NUDT9: variants seen among roughly 807,000 people sequenced by gnomAD.
NUDT9 encodes nudix hydrolase 9.
A neutral mutation model predicts 41.0 loss-of-function variants in NUDT9; 31 were observed. That is an observed-to-expected ratio of 0.76 (90% CI 0.57 to 1.02). The LOEUF is 1.02. Among genes scored for constraint, NUDT9 ranks in the 50% least tolerant of loss-of-function variants. NUDT9 has a pLI of 0.00. For synonymous variants in NUDT9, 146 were observed against 147.6 expected, an observed-to-expected ratio of 0.99 and a Z score of 0.08; for missense variants, 380 against 431.4, an observed-to-expected ratio of 0.88 and a Z score of 1.06.
chr4:87,431,889 T>G (rs1053421417), intron 1 of NUDT9, among the ~76,000 whole-genome samples: 2 of 152,216 alleles, frequency 1.3e-5, no homozygotes, highest in African/African-American at 4.8e-5. Context: ...TTTCGCCATG[T>G]TGGCCGGGCT....
chr4:87,444,167 C>A (rs1010197688), intron 4 of NUDT9, among the ~76,000 whole-genome samples: 3 of 151,992 alleles, frequency 2.0e-5, no homozygotes, highest in African/African-American at 7.2e-5. Flanking sequence ...CATGTTCTTT[C>A]TTTAAATAAT....
At chr4:87,454,163 A>C (rs1578081499) in intron 6 of NUDT9, among the ~76,000 whole-genome samples, 1 of 152,108 alleles carries the variant, frequency 6.6e-6, no homozygotes. Context: ...GCGCCCGGCT[A>C]TTTACATTTC....
chr4:87,432,929 A>G (rs1721750248), intron 1 of NUDT9, among the ~76,000 whole-genome samples: 1 of 152,146 alleles, frequency 6.6e-6, no homozygotes, highest in Non-Finnish European at 1.5e-5. Flanking sequence ...GGATTTTCAC[A>G]TCAGTATTAA....
At chr4:87,428,990 T>C (rs1487667820) in intron 1 of NUDT9, among the ~76,000 whole-genome samples, 1 of 152,148 alleles carries the variant, frequency 6.6e-6, no homozygotes, top group African/African-American at 2.4e-5. Context: ...GCATCAACTC[T>C]TATGGAATTG....
chr4:87,459,406 C>T lies in NUDT9; in HGVS notation c.*1385C>T, dbSNP rs531334585. The T allele has an allele frequency of 5.9e-5, 9 of 152,268 alleles. No homozygotes were observed. The South Asian group carries it at 1.7e-3, about 28-fold the overall frequency. The allele number at this position is 152,268 out of a possible 1,614,324, so 9.4% of individuals were successfully genotyped here. A position where few individuals can be genotyped will look rare whatever the true frequency, so the allele number is the denominator to read the frequency against. On this transcript the variant is annotated 3_prime_UTR_variant, in exon 8 of 8. Coordinates refer to ENST00000302174, the MANE Select transcript of NUDT9 (RefSeq NM_024047.5). ...CAAGTTTACCTATGTAACAAACCTG[C>T]ACATGTACCCCTGTACTTAACAACA...
intron 4 of NUDT9, among the ~76,000 whole-genome samples, chr4:87,444,632 T>A (rs1252870354): frequency 2.0e-5 from 3 of 152,194 alleles, no homozygotes; most frequent in Admixed American, 2.0e-4. Context: ...AGGAATGTAA[T>A]GCTAGTAAGG....
intron 4 of NUDT9, among the ~76,000 whole-genome samples, chr4:87,448,101 G>A: frequency 6.8e-6 from 1 of 147,710 alleles, no homozygotes; most frequent in African/African-American, 2.5e-5. Context: ...CATATAATCT[G>A]CTTTTCTCTT....
At chr4:87,434,361 TTTGAG>T (rs957564820) in intron 1 of NUDT9, 3 of 151,866 alleles carry the variant, frequency 2.0e-5, no homozygotes, top group Non-Finnish European at 2.9e-5. Context: ...GTTTTTATGG[TTTGAG>T]TTTTCATAAC....
chr4:87,424,358 CA>C lies in NUDT9; in HGVS notation c.107+1348del, dbSNP rs1481667258. ...CACTGCAACTTCCGCCTCCTGGGTTCAAGCGATTCTTCTGCCTCAGCCTCTT... is the reference window on the plus strand; with the variant it reads ...CACTGCAACTTCCGCCTCCTGGGTTCAGCGATTCTTCTGCCTCAGCCTCTT... On this transcript the variant is annotated intron_variant, in intron 1 of 7. Coordinates refer to ENST00000302174, the MANE Select transcript of NUDT9 (RefSeq NM_024047.5). 2.7e-5 allele frequency among the ~76,000 whole-genome samples: 4 copies of C among 146,572 alleles called. No homozygotes were observed. In the Admixed American group the frequency reaches 2.8e-4, roughly 10 times the overall value.
At chr4:87,450,378 C>CTTTTTTTTT (rs59228872) in intron 5 of NUDT9, among the ~76,000 whole-genome samples, 4 of 102,330 alleles carry the variant, frequency 3.9e-5, no homozygotes, top group Admixed American at 1.1e-4. Flanking sequence ...TTTTCTTTTT[C>CTTTTTTTTT]TTTTTTTTTT....
chr4:87,457,486 C>T (rs1723038955), intron 7 of NUDT9, among the ~76,000 whole-genome samples: 1 of 152,094 alleles, frequency 6.6e-6, no homozygotes, highest in South Asian at 2.1e-4. Context: ...ATCTACCCGC[C>T]TCAGCTTTGT....
At chr4:87,433,392 C>T (rs1721772803) in intron 1 of NUDT9, among the ~76,000 whole-genome samples, 1 of 152,154 alleles carries the variant, frequency 6.6e-6, no homozygotes, top group South Asian at 2.1e-4. Context: ...TAAGATGTCT[C>T]TTAACCTGGG....
rs531680524 is a variant in NUDT9 at position 87,438,004 on chromosome 4, A to G, written c.348-273A>G. 1.4e-4 allele frequency among the ~76,000 whole-genome samples: 21 copies of G among 152,268 alleles called. No individual in the cohort carries two copies. In the South Asian group the frequency reaches 4.1e-3, roughly 30 times the overall value. ...TCTTGTAGCATGAGGTAGGAGCTCTAGCTCTTCTGCTGGTAGTCCTTCCTG... is the reference window on the plus strand; with the variant it reads ...TCTTGTAGCATGAGGTAGGAGCTCTGGCTCTTCTGCTGGTAGTCCTTCCTG... On this transcript the variant is annotated intron_variant, in intron 2 of 7. Transcript: ENST00000302174.
rs114772081 is a variant in NUDT9, at chr4:87,452,697, C to G, written c.789+962C>G. Among the ~76,000 whole-genome samples the G allele has an allele frequency of 2.1e-3, 324 of 151,362 alleles. 4 individuals carry two copies. Among genetic ancestry groups the G allele is most frequent in the African/African-American group, 7.4e-3 (305 of 41,248 alleles). On this transcript the variant is annotated intron_variant, in intron 6 of 7. Transcript: ENST00000302174. ...CTTGAACTCCTGGGCTGAAGGATCC[C>G]CCCACCTCGACCTCCCAAAGTGCTA...
At chr4:87,423,034 G>GCGGT in intron 1 of NUDT9, 22 bp downstream of exon 1, 1 of 1,591,124 alleles carries the variant, frequency 6.3e-7, no homozygotes, top group Non-Finnish European at 8.6e-7. Flanking sequence ...TCCTACTACC[G>GCGGT]GCTCCTTTGC....
chr4:87,445,177 A>G (rs1722390382), intron 4 of NUDT9: 1 of 152,208 alleles, frequency 6.6e-6, no homozygotes, highest in African/African-American at 2.4e-5. Flanking sequence ...GGATTTGAAA[A>G]TAGAGACTCA....
intron 7 of NUDT9, 23 bp downstream of exon 7, chr4:87,454,478 G>A: frequency 6.8e-7 from 1 of 1,460,462 alleles, no homozygotes; most frequent in Middle Eastern, 1.7e-4. Flanking sequence ...TTATTAAACT[G>A]GCTGGGATTA....
At position 87,422,942 on chromosome 4, in the gene NUDT9, G is replaced by C. The variant is rs750526280; in HGVS notation, c.37G>C (p.Val13Leu). Residue 13 changes from valine to leucine, a missense_variant, in exon 1 of 8, where the codon GTG becomes CTG. Physicochemically the swap from Val to Leu is conservative, Grantham distance 32. Coordinates refer to ENST00000302174, the MANE Select transcript of NUDT9 (RefSeq NM_024047.5). ...GRLLGKALAA[V>L]SLSLALASVT... ...CCTCCTGGGAAAGGCTTTAGCCGCG[G>C]TGTCTCTCTCTCTGGCCTTGGCCTC... 50 of 1,612,586 alleles carry C rather than the reference G, an allele frequency of 3.1e-5. No homozygotes were observed. The East Asian group carries it at 1.1e-3, about 36-fold the overall frequency.
chr4:87,446,233 C>G (rs1005580245), intron 4 of NUDT9, among the ~76,000 whole-genome samples: 26 of 146,710 alleles, frequency 1.8e-4, no homozygotes, highest in African/African-American at 5.5e-4. Flanking sequence ...CCACCATTTG[C>G]CTTCTTATCT....
Sources: gnomAD v4.1 joint callset for allele counts (sites outside exome capture counted in the v4.1 genomes callset) on GRCh38, gnomAD v4.1.1 for gene constraint, MANE v1.5 for transcripts, NCBI Gene and HGNC (gene_info 2026-07-23, HGNC 2026-07-21) for gene names.